CLUH: variants seen among roughly 807,000 people sequenced by gnomAD.
CLUH encodes the protein CLUH binding protein of NUMT mRNA.
In CLUH, 77 loss-of-function variants were observed where a neutral mutation model predicts 139.3. That is an observed-to-expected ratio of 0.55 (90% CI 0.46 to 0.67). The LOEUF (loss-of-function observed/expected upper bound fraction) is 0.67. CLUH is among the 30% of genes least tolerant of loss of function. The pLI is 0.00. For synonymous variants in CLUH, 999 were observed against 801.6 expected, an observed-to-expected ratio of 1.25 and a Z score of -4.16; for missense variants, 1,876 against 1,875.8, an observed-to-expected ratio of 1.00 and a Z score of 0.00.
intron 11 of CLUH, 34 bp downstream of exon 11, chr17:2,696,685 C>A: frequency 6.2e-7 from 1 of 1,606,120 alleles, no homozygotes; most frequent in Non-Finnish European, 8.5e-7. Context: ...AGGGCCAGCC[C>A]GGGCTCTCTC....
intron 9 of CLUH, 81 bp from the exon 10 acceptor site, chr17:2,698,671 A>T (rs1025844226): frequency 2.5e-5 from 33 of 1,306,810 alleles, no homozygotes; most frequent in Non-Finnish European, 3.2e-5. Flanking sequence ...ACGCACCTAG[A>T]CCGCGGAGGC....
intron 13 of CLUH, 171 bp from the exon 14 acceptor site, chr17:2,695,697 G>T: frequency 2.3e-6 from 2 of 880,026 alleles, no homozygotes; most frequent in Non-Finnish European, 1.7e-6. Flanking sequence ...CGCAGGCCAA[G>T]AACCAAGAGC....
At chr17:2,700,495 G>A (rs1481440362) in intron 8 of CLUH, 21 bp from the exon 9 acceptor site, 7 of 1,603,602 alleles carry the variant, frequency 4.4e-6, no homozygotes, top group Non-Finnish European at 5.9e-6. Flanking sequence ...ATCAGGGAGG[G>A]AAAAACGAGC....
At position 2,692,455 on chromosome 17, in the gene CLUH, C is replaced by T; in HGVS notation, c.3466G>A (p.Val1156Met). Residue 1156 changes from valine (V) to methionine (M), a missense_variant, in exon 22 of 26, where the codon GTG (valine) becomes ATG (methionine). Physicochemically the swap from Val to Met is conservative, Grantham distance 21 (BLOSUM62 1). Transcript: ENST00000651024. ...DNNIGLVLHG[V>M]MEYDLSLRFL... ...CGCAGCGACAGGTCGTACTCCATCACCCCGTGCAGCACCAGCCCGATGTTG... is the reference window on the plus strand; with the variant it reads ...CGCAGCGACAGGTCGTACTCCATCATCCCGTGCAGCACCAGCCCGATGTTG... The T allele has an allele frequency of 6.2e-7, 1 of 1,600,496 alleles. No individual in the cohort carries two copies. The highest frequency in any genetic ancestry group is 1.3e-5 in the African/African-American group (1 of 75,018).
In CLUH at chr17:2,691,685, G is replaced by A; in HGVS notation, c.3790-3C>T. On this transcript the variant is annotated splice_region_variant and splice_polypyrimidine_tract_variant and intron_variant, in intron 24 of 25. Coordinates refer to ENST00000651024, the MANE Select transcript of CLUH (RefSeq NM_001366661.1). The stretch of plus-strand genomic sequence containing the variant: ...CTGGCCATGCTGGGGGCCGTGAACT[G>A]CGGGGCGGGGAAACCAGCGGTGAGC... 5 of 1,611,894 alleles carry A rather than the reference G, an allele frequency of 3.1e-6. 1 individual carries two copies. In the South Asian group the frequency reaches 5.5e-5, roughly 18 times the overall value.
At chr17:2,694,314 C>T in intron 17 of CLUH, 38 bp from the exon 18 acceptor site, 2 of 1,557,082 alleles carry the variant, frequency 1.3e-6, no homozygotes, top group Non-Finnish European at 1.7e-6. Flanking sequence ...AGCCTCAGGC[C>T]CAGGTTCAGC....
intron 11 of CLUH, 46 bp downstream of exon 11, chr17:2,696,673 G>GC (rs773610504): frequency 6.3e-7 from 1 of 1,599,842 alleles, no homozygotes; most frequent in Non-Finnish European, 8.5e-7. Context: ...AGCCACCCTG[G>GC]CAGGGCCAGC....
intron 16 of CLUH, 83 bp downstream of exon 16, chr17:2,694,774 G>GTA: frequency 6.9e-7 from 1 of 1,446,334 alleles, no homozygotes. Context: ...ATGACCACAG[G>GTA]CCTTAGACGC....
Position 2,698,166 on chromosome 17 carries a change from C to G in CLUH, c.1691G>C (p.Arg564Pro), listed in dbSNP as rs769008971. The G allele has an allele frequency of 3.2e-6, 5 of 1,574,302 alleles. No homozygotes were observed. The highest frequency in any genetic ancestry group is 3.4e-6 in the Non-Finnish European group (4 of 1,160,984). The change falls in exon 10 of 26, where the codon CGG becomes CCG. Residue 564 changes from arginine to proline, a missense_variant. Coordinates refer to ENST00000651024, the MANE Select transcript of CLUH (RefSeq NM_001366661.1). ...CTGGTGCCGCAGGATCTTGAGGGGCCGACTCGTGCGCTCCAGCAGCTCCAG... is the reference window on the plus strand; with the variant it reads ...CTGGTGCCGCAGGATCTTGAGGGGCGGACTCGTGCGCTCCAGCAGCTCCAG... The part of the protein sequence containing the change: ...RYLELLERTS[R>P]PLKILRHQVL...
At chr17:2,691,956 G>GCCCCCA in intron 23 of CLUH, 48 bp downstream of exon 23, 3 of 439,828 alleles carry the variant, frequency 6.8e-6, no homozygotes, top group Non-Finnish European at 9.3e-6. Context: ...CCCCCGCCCC[G>GCCCCCA]CCACGCCCCC....
Position 2,695,431 on chromosome 17 carries a change from G to C in CLUH, c.2487C>G (p.Gly829=). 2 of 1,612,502 alleles carry C rather than the reference G, an allele frequency of 1.2e-6. No individual in the cohort carries two copies. Among genetic ancestry groups the C allele is most frequent in the Non-Finnish European group, 1.7e-6 (2 of 1,179,762 alleles). ...RQRGINMRYL[G]KVLELVLRSP... ...TCCGCAGCACCAGCTCCAGCACCTT[G>C]CCCAGGTAGCGCATGTTGATGCCCC... The change falls in exon 14 of 26, where the codon GGC becomes GGG. Residue 829 remains glycine, a synonymous_variant. Transcript: ENST00000651024.
chr17:2,696,055 A>G (rs936098864), intron 13 of CLUH, 104 bp downstream of exon 13: 1 of 931,568 alleles, frequency 1.1e-6, no homozygotes, highest in Admixed American at 2.3e-5. Flanking sequence ...AAGCTGAAAA[A>G]GTCACTCCTG....
At chr17:2,697,339 C>CG (rs1377798131) in intron 10 of CLUH, among the ~76,000 whole-genome samples, 1 of 149,234 alleles carries the variant, frequency 6.7e-6, no homozygotes, top group African/African-American at 2.5e-5. Flanking sequence ...GCAGAGGTTG[C>CG]GGTGAGCCGG....
Position 2,698,225 on chromosome 17 carries a change from G to C in CLUH, c.1632C>G (p.Asp544Glu). ...QEQSVIYGSI[D>E]FGKTVVSHPR... ...GGTGTGACACCACGGTCTTGCCGAA[G>C]TCGATGGAGCCGTAGATGACGCTCT... The change falls in exon 10 of 26, where the codon GAC becomes GAG. Residue 544 changes from aspartate to glutamate, a missense_variant. Physicochemically the swap from Asp to Glu is conservative, Grantham distance 45. Around this residue, in one of 3 missense-constraint regions of CLUH, gnomAD observed 1,454 missense variants for 1,384.4 expected, o/e 1.05. Transcript: ENST00000651024. The C allele has an allele frequency of 6.3e-7, 1 of 1,590,756 alleles. No individual in the cohort carries two copies. The highest frequency in any genetic ancestry group is 8.6e-7 in the Non-Finnish European group (1 of 1,169,522).
In CLUH at chr17:2,694,846, C is replaced by A; in HGVS notation, c.2852+11G>T. 6.7e-7 allele frequency: 1 copy of A among 1,498,620 alleles called. No individual in the cohort carries two copies. The highest frequency in any genetic ancestry group is 8.9e-7 in the Non-Finnish European group (1 of 1,120,264). 92.8% of individuals were successfully genotyped at this position (1,498,620 alleles called of 1,614,324 possible). A position where few individuals can be genotyped will look rare whatever the true frequency, so the allele number is the denominator to read the frequency against. Reference sequence around the variant, plus strand: ...ATCCCACCCACCCCACCGCCCCTGCCCCGCACGCACCACTCGAGGTCGAAG... The same window carrying A: ...ATCCCACCCACCCCACCGCCCCTGCACCGCACGCACCACTCGAGGTCGAAG... On this transcript the variant is annotated intron_variant, in intron 16 of 25. Coordinates refer to ENST00000651024, the MANE Select transcript of CLUH (RefSeq NM_001366661.1).
rs775094871 is a variant in CLUH, at chr17:2,692,656, G to T, written c.3353C>A (p.Ser1118Tyr). ...ALYCFASSQL[S>Y]TALSLLYRAR... The stretch of plus-strand genomic sequence containing the variant: ...GCGGTACAGCAGGCTCAGGGCGGTG[G>T]ACAGCTGGCTGCTGGCGAAGCAGTA... The change falls in exon 21 of 26, where the codon TCC becomes TAC. Residue 1118 changes from serine to tyrosine, a missense_variant. Coordinates refer to ENST00000651024, the MANE Select transcript of CLUH (RefSeq NM_001366661.1). The T allele has an allele frequency of 6.2e-7, 1 of 1,612,590 alleles. No individual in the cohort carries two copies. The highest frequency in any genetic ancestry group is 8.5e-7 in the Non-Finnish European group (1 of 1,179,386).
chr17:2,706,689 T>C lies in CLUH; in HGVS notation c.101-2125A>G, dbSNP rs992897257. 2.0e-5 allele frequency among the ~76,000 whole-genome samples: 3 copies of C among 152,134 alleles called. No individual in the cohort carries two copies. Among genetic ancestry groups the C allele is most frequent in the African/African-American group, 7.2e-5 (3 of 41,476 alleles). On this transcript the variant is annotated intron_variant, in intron 1 of 25. Transcript: ENST00000651024. The surrounding 1 kb of genome is among the most constrained non-coding windows in gnomAD (Gnocchi z 4.6). The stretch of plus-strand genomic sequence containing the variant: ...CAGCCGGGGCGGTGGTCGGTCAGCT[T>C]GCAAACAGCAAGAGGCAGGGCAGCC...
chr17:2,703,402 G>C lies in CLUH; in HGVS notation c.391C>G (p.Leu131Val). ...AAGTGGTCCAGCACGTTGCCATCCA[G>C]GTGCAGTGAGAAGCAGGTGCGGTGA... is the stretch of plus-strand genomic sequence containing the variant. Reference protein sequence around the residue: ...TCHRTCFSLHLDGNVLDHFSE... With the variant: ...TCHRTCFSLHVDGNVLDHFSE... Residue 131 changes from leucine to valine, a missense_variant, in exon 3 of 26, where the codon CTG becomes GTG. Leu to Val is a conservative substitution (Grantham distance 32). This residue lies in a region of CLUH where 270 missense variants were observed against 354.7 expected (regional missense o/e 0.76). Transcript: ENST00000651024. This position sits in a 1 kb window ranked among gnomAD's most constrained non-coding sequence, Gnocchi z 4.2. 6.2e-7 allele frequency: 1 copy of C among 1,613,670 alleles called. No individual in the cohort carries two copies.
chr17:2,694,330 G>A, intron 17 of CLUH, 54 bp from the exon 18 acceptor site: 2 of 1,545,126 alleles, frequency 1.3e-6, no homozygotes, highest in Non-Finnish European at 8.7e-7. Context: ...TCAGCGGGTT[G>A]GCACCTCCCA....
Sources: allele counts gnomAD v4.1 joint callset (sites outside exome capture counted in the v4.1 genomes callset), GRCh38; gene constraint gnomAD v4.1.1; regional missense constraint gnomAD v4.1.1; non-coding constraint Gnocchi (gnomAD v3.1); transcripts MANE v1.5; gene names NCBI Gene and HGNC (gene_info 2026-07-23, HGNC 2026-07-21).